CDH23: variants seen among roughly 807,000 people sequenced by gnomAD.
CDH23 encodes cadherin related 23, also known as cadherin-23.
A neutral mutation model predicts 317.1 loss-of-function variants in CDH23; 189 were observed. That is an observed-to-expected ratio of 0.60 (90% CI 0.53 to 0.67). CDH23 has a LOEUF of 0.67. Ranked by LOEUF, CDH23 falls within the 30% of genes least tolerant of loss-of-function variation. The pLI is 0.00. For synonymous variants in CDH23, 1,839 were observed against 1,876.8 expected, an observed-to-expected ratio of 0.98 and a Z score of 0.52; for missense variants, 4,401 against 4,592.4, an observed-to-expected ratio of 0.96 and a Z score of 1.20.
intron 6 of CDH23, among the ~76,000 whole-genome samples, chr10:71,533,444 G>A (rs1008316758): frequency 2.6e-5 from 4 of 151,738 alleles, no homozygotes; most frequent in Non-Finnish European, 5.9e-5. Flanking sequence ...ATGAAACACC[G>A]CCCTGCCCCG....
At chr10:71,405,805 A>G (rs535848098) in intron 1 of CDH23, among the ~76,000 whole-genome samples, 8 of 152,186 alleles carry the variant, frequency 5.3e-5, no homozygotes, top group African/African-American at 1.9e-4. Flanking sequence ...TTCCAAACCC[A>G]TCCTGTCTGT....
At chr10:71,682,642 T>C (rs1864703734) in intron 18 of CDH23, 70 bp downstream of exon 18, 7 of 1,578,220 alleles carry the variant, frequency 4.4e-6, no homozygotes, top group South Asian at 2.3e-5. Context: ...GTGAACCCAG[T>C]ACTGTAGGAC....
At chr10:71,601,197 G>A (rs547245606) in intron 9 of CDH23, among the ~76,000 whole-genome samples, 1 of 152,348 alleles carries the variant, frequency 6.6e-6, no homozygotes, top group South Asian at 2.1e-4. Flanking sequence ...TGTTTCTAGG[G>A]AGGAGTAGGA....
intron 9 of CDH23, among the ~76,000 whole-genome samples, chr10:71,596,223 G>A (rs1160081896): frequency 1.3e-5 from 2 of 152,054 alleles, no homozygotes; most frequent in South Asian, 2.1e-4. Flanking sequence ...CCCACACAAG[G>A]ATGTCATGCA....
chr10:71,708,792 C>T (rs1242076053), intron 26 of CDH23, among the ~76,000 whole-genome samples: 1 of 152,236 alleles, frequency 6.6e-6, no homozygotes, highest in Non-Finnish European at 1.5e-5. Context: ...CAGAGTGGCA[C>T]AGGCACATCA....
At chr10:71,643,680 C>A (rs1332354741) in intron 11 of CDH23, among the ~76,000 whole-genome samples, 181 bp from the exon 12 acceptor site, 4 of 152,134 alleles carry the variant, frequency 2.6e-5, no homozygotes, top group Admixed American at 2.6e-4. Context: ...TCCTCCAGAC[C>A]CCAGAAGCTA....
chr10:71,701,769 G>A (rs1489512911), intron 22 of CDH23, among the ~76,000 whole-genome samples: 1 of 152,058 alleles, frequency 6.6e-6, no homozygotes, highest in Non-Finnish European at 1.5e-5. Flanking sequence ...CAAAATCCAG[G>A]GTTTCAAATC....
chr10:71,782,136 C>G (rs1048358608), intron 41 of CDH23, among the ~76,000 whole-genome samples: 6 of 152,208 alleles, frequency 3.9e-5, no homozygotes, highest in African/African-American at 7.2e-5. Context: ...ACTTACCAGC[C>G]CCACTGAGCC....
intron 48 of CDH23, chr10:71,795,720 A>AC: frequency 4.1e-5 from 1 of 24,586 alleles, no homozygotes; most frequent in Non-Finnish European, 5.8e-5. Flanking sequence ...CCCTCCTCCC[A>AC]CCCCGTCAGC....
chr10:71,737,636 G>C, intron 34 of CDH23: 2 of 463,478 alleles, frequency 4.3e-6, no homozygotes, highest in Admixed American at 4.7e-5. Flanking sequence ...TCTGGCCTGG[G>C]GCAGGGCAGT....
At chr10:71,440,320 C>T (rs1849815958) in intron 2 of CDH23, among the ~76,000 whole-genome samples, 1 of 152,174 alleles carries the variant, frequency 6.6e-6, no homozygotes, top group Non-Finnish European at 1.5e-5. Flanking sequence ...AACTCATTCT[C>T]AAGAAGCTCA....
At chr10:71,538,200 A>G (rs1339471512) in intron 6 of CDH23, among the ~76,000 whole-genome samples, 6 of 152,208 alleles carry the variant, frequency 3.9e-5, no homozygotes, top group Non-Finnish European at 7.3e-5. Context: ...AAAGTGATCA[A>G]TGAGTTCATT....
chr10:71,559,998 C>T (rs1015900320), intron 6 of CDH23, among the ~76,000 whole-genome samples: 2 of 152,264 alleles, frequency 1.3e-5, no homozygotes, highest in African/African-American at 4.8e-5. Context: ...CTCCCCTATA[C>T]TGTCCTCTGT....
At chr10:71,773,599 G>A (rs79202294) in intron 38 of CDH23, 1 of 571,496 alleles carries the variant, frequency 1.7e-6, no homozygotes, top group Non-Finnish European at 2.8e-6. Context: ...GCGCCCCCGG[G>A]GGGCCGTGTG....
chr10:71,651,880 G>C (rs1168633676), intron 14 of CDH23, among the ~76,000 whole-genome samples: 1 of 152,180 alleles, frequency 6.6e-6, no homozygotes, highest in Admixed American at 6.5e-5. Context: ...TGCAGCATGG[G>C]GCACGTGTCC....
intron 6 of CDH23, among the ~76,000 whole-genome samples, chr10:71,546,068 A>G (rs913212403): frequency 2.0e-5 from 3 of 151,542 alleles, no homozygotes; most frequent in African/African-American, 4.9e-5. Context: ...TTGCAGCCTC[A>G]TTTCCCCTCT....
At chr10:71,539,668 T>A (rs529959959) in intron 6 of CDH23, among the ~76,000 whole-genome samples, 5 of 152,018 alleles carry the variant, frequency 3.3e-5, no homozygotes, top group Non-Finnish European at 7.4e-5. Context: ...CCTCTCCCTC[T>A]CCTGCCTTCC....
At chr10:71,637,015 C>T (rs1467042051) in intron 11 of CDH23, among the ~76,000 whole-genome samples, 1 of 152,090 alleles carries the variant, frequency 6.6e-6, no homozygotes, top group African/African-American at 2.4e-5. Context: ...ACTTAGCACC[C>T]CCCTTAATGT....
At chr10:71,613,011 G>T (rs1860993325) in intron 9 of CDH23, among the ~76,000 whole-genome samples, 1 of 152,172 alleles carries the variant, frequency 6.6e-6, no homozygotes, top group African/African-American at 2.4e-5. Flanking sequence ...ACCACACCCA[G>T]CTGTTTTTTG....
Sources: allele counts gnomAD v4.1 joint callset (sites outside exome capture counted in the v4.1 genomes callset), GRCh38; gene constraint gnomAD v4.1.1; transcripts MANE v1.5; gene names NCBI Gene and HGNC (gene_info 2026-07-23, HGNC 2026-07-21).